PRPF6: variants seen among roughly 807,000 people sequenced by gnomAD.
The protein encoded by PRPF6 is pre-mRNA processing factor 6.
Under a neutral mutation model 118.3 loss-of-function variants are expected in PRPF6, and 42 were observed. That is an observed-to-expected ratio of 0.35 (90% CI 0.28 to 0.46). The LOEUF is 0.46. PRPF6 is among the 20% of genes least tolerant of loss of function. The pLI is 1.00. For missense variants in PRPF6, 662 were observed against 1,255.7 expected (o/e 0.53, Z 7.15); for synonymous variants, 481 against 485.1 (o/e 0.99, Z 0.11).
In PRPF6 at chr20:64,007,545, C is replaced by A. The variant is rs530935692; in HGVS notation, c.1187-2655C>A. 4.6e-5 allele frequency among the ~76,000 whole-genome samples: 7 copies of A among 150,954 alleles called. No homozygotes were observed. In the East Asian group the frequency reaches 1.2e-3, roughly 25 times the overall value. ...TCAGTGGTGCAGTTTTGGCTCACTG[C>A]AACCTCCACCTCCTGGGCTCAAGCG... On this transcript the variant is annotated intron_variant, in intron 9 of 20. Coordinates refer to ENST00000266079, the MANE Select transcript of PRPF6 (RefSeq NM_012469.4).
At chr20:64,021,418 G>T (rs1161946915) in intron 12 of PRPF6, among the ~76,000 whole-genome samples, 1 of 151,492 alleles carries the variant, frequency 6.6e-6, no homozygotes, top group African/African-American at 2.4e-5. Context: ...GTGTGTGCGT[G>T]TGTGTGCACG....
At chr20:63,985,546 T>G (rs185598554) in intron 3 of PRPF6, among the ~76,000 whole-genome samples, 2 of 152,314 alleles carry the variant, frequency 1.3e-5, no homozygotes, top group African/African-American at 4.8e-5. Context: ...CTTAAGTTTT[T>G]CCAGAAATCA....
Position 64,029,326 on chromosome 20 carries a change from C to T in PRPF6, c.2432-51C>T, listed in dbSNP as rs756048282. On this transcript the variant is annotated intron_variant, in intron 18 of 20. Transcript: ENST00000266079. This position sits in a 1 kb window ranked among gnomAD's most constrained non-coding sequence, Gnocchi z 4.8. ...AGAATCTGTAGGCTGGGCACCTTTC[C>T]GGAACCAGAGGCTGGAGTGCAAATC... 25 of 1,561,670 alleles carry T rather than the reference C, an allele frequency of 1.6e-5. No individual in the cohort carries two copies. Among genetic ancestry groups the T allele is most frequent in the East Asian group, 4.5e-5 (2 of 44,630 alleles).
rs1397180605 is a variant in PRPF6 at position 64,033,062 on chromosome 20, G to GT, written c.*70dup. On this transcript the variant is annotated 3_prime_UTR_variant, in exon 21 of 21. Coordinates refer to ENST00000266079, the MANE Select transcript of PRPF6 (RefSeq NM_012469.4). Reference sequence around the variant, plus strand: ...CGCATGTGGAAGGGCTCTGAGCTGTGTCCTCCTTCATTAAAAGTTTTTATG... The same window carrying GT: ...CGCATGTGGAAGGGCTCTGAGCTGTGTTCCTCCTTCATTAAAAGTTTTTATG... The GT allele has an allele frequency of 1.3e-6, 2 of 1,597,654 alleles. No homozygotes were observed. The highest frequency in any genetic ancestry group is 1.7e-6 in the Non-Finnish European group (2 of 1,169,714).
intron 4 of PRPF6, 39 bp downstream of exon 4, chr20:63,993,524 C>A: frequency 6.6e-7 from 1 of 1,523,826 alleles, no homozygotes; most frequent in Non-Finnish European, 9.1e-7. Flanking sequence ...CGGTTTCTAA[C>A]GCTCTCACCC....
Position 64,022,636 on chromosome 20 carries a change from CTG to C in PRPF6, c.1648-118_1648-117del. The C allele has an allele frequency of 1.1e-5, 16 of 1,467,442 alleles. No homozygotes were observed. In the South Asian group the frequency reaches 1.6e-4, roughly 15 times the overall value. The allele number at this position is 1,467,442 out of a possible 1,614,324, so 90.9% of individuals were successfully genotyped here. A position where few individuals can be genotyped will look rare whatever the true frequency, so the allele number is the denominator to read the frequency against. On this transcript the variant is annotated intron_variant, in intron 12 of 20. Transcript: ENST00000266079. ...ATTGTGGTTCTAATTAGATAAAACA[CTG>C]TGGTACACCTTCTAGCAGATATCAT...
In PRPF6 at chr20:64,011,603, G is replaced by C. The variant is rs949600907; in HGVS notation, c.1524+100G>C. 1.1e-5 allele frequency: 14 copies of C among 1,328,482 alleles called. No homozygotes were observed. The highest frequency in any genetic ancestry group is 1.5e-5 in the African/African-American group (1 of 68,696). The allele number at this position is 1,328,482 out of a possible 1,614,324, so 82.3% of individuals were successfully genotyped here. A position where few individuals can be genotyped will look rare whatever the true frequency, so the allele number is the denominator to read the frequency against. On this transcript the variant is annotated intron_variant, in intron 11 of 20. Coordinates refer to ENST00000266079, the MANE Select transcript of PRPF6 (RefSeq NM_012469.4). The surrounding 1 kb of genome is among the most constrained non-coding windows in gnomAD (Gnocchi z 6.7). ...GGGGGTTGCTGGATGGTACTGGGGA[G>C]TCCTGTGCCAAACCAGAAGCAGGCA...
intron 11 of PRPF6, among the ~76,000 whole-genome samples, chr20:64,013,293 G>A (rs571158869): frequency 6.6e-6 from 1 of 152,214 alleles, no homozygotes; most frequent in African/African-American, 2.4e-5. Flanking sequence ...AACTTAGGAA[G>A]TAGGGCTTGG....
rs573471252 is a variant in PRPF6, at chr20:64,001,062, T to A, written c.1024-15T>A. On this transcript the variant is annotated splice_polypyrimidine_tract_variant and intron_variant, in intron 8 of 20. Coordinates refer to ENST00000266079, the MANE Select transcript of PRPF6 (RefSeq NM_012469.4). Reference sequence around the variant, plus strand: ...CCTGCACTGAGCCTTATTGGTCTTATCTCTTGCCTCACAGAGTGAAGATGT... The same window carrying A: ...CCTGCACTGAGCCTTATTGGTCTTAACTCTTGCCTCACAGAGTGAAGATGT... 5 of 1,613,626 alleles carry A rather than the reference T, an allele frequency of 3.1e-6. No individual in the cohort carries two copies. Among genetic ancestry groups the A allele is most frequent in the South Asian group, 2.2e-5 (2 of 91,080 alleles).
At chr20:64,009,282 A>AGC in intron 9 of PRPF6, among the ~76,000 whole-genome samples, 1 of 148,156 alleles carries the variant, frequency 6.7e-6, no homozygotes, top group Non-Finnish European at 1.5e-5. Context: ...TCCATCGCAA[A>AGC]AAAAAAAAAA....
At chr20:63,981,349 A>G in intron 1 of PRPF6, 33 bp downstream of exon 1, 1 of 1,551,650 alleles carries the variant, frequency 6.4e-7, no homozygotes, top group Non-Finnish European at 8.7e-7. Flanking sequence ...AGGGGCGGGG[A>G]CCCGGCTACA....
chr20:64,021,828 C>T (rs915657061), intron 12 of PRPF6, among the ~76,000 whole-genome samples: 1 of 138,394 alleles, frequency 7.2e-6, no homozygotes, highest in Admixed American at 7.6e-5. Context: ...CGGCCACAGC[C>T]CTGTGTGTGT....
rs917015082 is a variant in PRPF6, at chr20:64,029,465, C to T, written c.2520C>T (p.Asp840=). Residue 840 remains aspartate (D), a synonymous_variant, in exon 19 of 21, where the codon GAC becomes GAT. Coordinates refer to ENST00000266079, the MANE Select transcript of PRPF6 (RefSeq NM_012469.4). The surrounding 1 kb of genome is among the most constrained non-coding windows in gnomAD (Gnocchi z 4.8). Reference sequence around the variant, plus strand: ...ATGCCCTGAAGAAGTGTGAGCATGACCCCCATGTGCTCCTGGCCGTGGCCA... The same window carrying T: ...ATGCCCTGAAGAAGTGTGAGCATGATCCCCATGTGCTCCTGGCCGTGGCCA... ...SVDALKKCEH[D]PHVLLAVAKL... 4 of 1,614,044 alleles carry T rather than the reference C, an allele frequency of 2.5e-6. No individual in the cohort carries two copies. The highest frequency in any genetic ancestry group is 3.4e-6 in the Non-Finnish European group (4 of 1,180,036).
Position 64,028,639 on chromosome 20 carries a change from AG to A in PRPF6, c.2431+75del. On this transcript the variant is annotated intron_variant, in intron 18 of 20. Coordinates refer to ENST00000266079, the MANE Select transcript of PRPF6 (RefSeq NM_012469.4). The surrounding 1 kb of genome is among the most constrained non-coding windows in gnomAD (Gnocchi z 6.5). ...GTAAGGGGGTGCCTTGACTCCGGTA[AG>A]GGGGTGCTTCCTGGCTTCCCAGACT... 1 of 1,556,332 alleles carries A rather than the reference AG, an allele frequency of 6.4e-7. No homozygotes were observed. Among genetic ancestry groups the A allele is most frequent in the Non-Finnish European group, 8.8e-7 (1 of 1,141,936 alleles).
At chr20:63,982,469 C>T (rs1169123423) in intron 1 of PRPF6, among the ~76,000 whole-genome samples, 1 of 152,172 alleles carries the variant, frequency 6.6e-6, no homozygotes, top group Non-Finnish European at 1.5e-5. Flanking sequence ...CACGCCCGGC[C>T]CAGAATTTTT....
chr20:64,032,115 G>A (rs1434191522), intron 20 of PRPF6, 71 bp downstream of exon 20: 1 of 1,607,916 alleles, frequency 6.2e-7, no homozygotes, highest in Non-Finnish European at 8.5e-7. Flanking sequence ...CAGCCCTGGG[G>A]GCTCTAGGAG....
intron 9 of PRPF6, among the ~76,000 whole-genome samples, chr20:64,005,217 G>A (rs1044758354): frequency 6.6e-6 from 1 of 152,158 alleles, no homozygotes; most frequent in African/African-American, 2.4e-5. Context: ...CCTGTGGGCT[G>A]CTGATGAGAT....
At chr20:63,981,391 C>A in intron 1 of PRPF6, 75 bp downstream of exon 1, 2 of 1,417,840 alleles carry the variant, frequency 1.4e-6, no homozygotes, top group Non-Finnish European at 9.6e-7. Context: ...TGTTTGGGGG[C>A]GGGGGTCTAT....
chr20:63,997,341 A>C (rs1214753854), intron 6 of PRPF6, among the ~76,000 whole-genome samples: 3 of 124,660 alleles, frequency 2.4e-5, no homozygotes, highest in African/African-American at 9.6e-5. Context: ...CCCAGGCTGG[A>C]GTTCAATGGC....
Sources: allele counts gnomAD v4.1 joint callset (sites outside exome capture counted in the v4.1 genomes callset), GRCh38; gene constraint gnomAD v4.1.1; non-coding constraint Gnocchi (gnomAD v3.1); transcripts MANE v1.5; gene names NCBI Gene and HGNC (gene_info 2026-07-23, HGNC 2026-07-21).